Variants in RIOK2 observed in about 807,000 individuals in gnomAD.
RIOK2 encodes serine/threonine-protein kinase RIO2.
A neutral mutation model predicts 62.4 loss-of-function variants in RIOK2; 46 were observed. That is an observed-to-expected ratio of 0.74 (90% CI 0.58 to 0.94). RIOK2 has a LOEUF of 0.94. Among genes scored for constraint, RIOK2 ranks in the 40% least tolerant of loss-of-function variants. The pLI is 0.00. For missense variants in RIOK2, 574 were observed against 658.0 expected (o/e 0.87, Z 1.40); for synonymous variants, 197 against 216.0 (o/e 0.91, Z 0.77).
intron 4 of RIOK2, among the ~76,000 whole-genome samples, chr5:97,175,041 G>A (rs1383908078): frequency 2.6e-5 from 4 of 151,962 alleles, no homozygotes; most frequent in African/African-American, 9.7e-5. Context: ...CTGGGTGACA[G>A]AGTGAGACCT....
At chr5:97,165,869 A>G (rs778851633) in intron 8 of RIOK2, among the ~76,000 whole-genome samples, 11 of 152,164 alleles carry the variant, frequency 7.2e-5, no homozygotes, top group Admixed American at 2.0e-4. Flanking sequence ...GGTGCCATAT[A>G]TTTGGTTAAA....
chr5:97,182,894 A>G, intron 1 of RIOK2: 1 of 547,582 alleles, frequency 1.8e-6, no homozygotes, highest in Non-Finnish European at 3.3e-6. Flanking sequence ...TAGCAGCAGA[A>G]AAGAAAACAA....
rs765769343 is a variant in RIOK2 at position 97,183,247 on chromosome 5, C to T, written c.-56G>A. On this transcript the variant is annotated 5_prime_UTR_variant, in exon 1 of 10. Coordinates refer to ENST00000283109, the MANE Select transcript of RIOK2 (RefSeq NM_018343.3). ...CCGACGACAGCCGCAAAGCGTAAGGCAGGTCGTTATTCCAGCCTCTAAGCG... is the reference window on the plus strand; with the variant it reads ...CCGACGACAGCCGCAAAGCGTAAGGTAGGTCGTTATTCCAGCCTCTAAGCG... 3 of 1,587,920 alleles carry T rather than the reference C, an allele frequency of 1.9e-6. No homozygotes were observed. The highest frequency in any genetic ancestry group is 3.3e-5 in the Admixed American group (2 of 59,716).
chr5:97,181,639 T>A (rs1340005010), intron 1 of RIOK2, among the ~76,000 whole-genome samples: 1 of 152,250 alleles, frequency 6.6e-6, no homozygotes, highest in Non-Finnish European at 1.5e-5. Flanking sequence ...ACAAATAATT[T>A]AAATATTGCA....
At chr5:97,179,791 A>T (rs1482543936) in intron 1 of RIOK2, among the ~76,000 whole-genome samples, 11 of 95,288 alleles carry the variant, frequency 1.2e-4, no homozygotes, top group African/African-American at 4.7e-4. Context: ...AAAGGGGAAC[A>T]TCACACACTG....
rs772714979 is a variant in RIOK2 at position 97,179,187 on chromosome 5, T to C, written c.73A>G (p.Met25Val). Reference sequence around the variant, plus strand: ...ACAATTTCATGGTTCTTCATGCCCATTTCAACCTGAAATTAAAGGAATCAT... The same window carrying C: ...ACAATTTCATGGTTCTTCATGCCCACTTCAACCTGAAATTAAAGGAATCAT... ...DDFRVLTAVE[M>V]GMKNHEIVPG... The change falls in exon 2 of 10, where the codon ATG becomes GTG. Residue 25 changes from methionine (M) to valine (V), a missense_variant. Physicochemically the swap from Met to Val is conservative, Grantham distance 21 (BLOSUM62 1). Coordinates refer to ENST00000283109, the MANE Select transcript of RIOK2 (RefSeq NM_018343.3). The C allele has an allele frequency of 3.7e-6, 6 of 1,612,772 alleles. No individual in the cohort carries two copies. In the African/African-American group the frequency reaches 4.0e-5, roughly 11 times the overall value.
chr5:97,170,323 T>C (rs1011870566), intron 6 of RIOK2, among the ~76,000 whole-genome samples: 1 of 152,224 alleles, frequency 6.6e-6, no homozygotes, highest in Non-Finnish European at 1.5e-5. Flanking sequence ...ATTATCGCAG[T>C]ATATCATGAT....
Position 97,177,997 on chromosome 5 carries a change from A to G in RIOK2, c.206-149T>C, listed in dbSNP as rs563790098. ...GCTCACAAGCTTCCAATTTCTTCCT[A>G]TAATTTGCATTTCTTCTCCAGTGTA... On this transcript the variant is annotated intron_variant, in intron 2 of 9. Transcript: ENST00000283109. The G allele has an allele frequency of 1.3e-4, 77 of 575,586 alleles. No individual in the cohort carries two copies. In the South Asian group the frequency reaches 1.6e-3, roughly 12 times the overall value. 35.7% of individuals were successfully genotyped at this position (575,586 alleles called of 1,614,324 possible). A position where few individuals can be genotyped will look rare whatever the true frequency, so the allele number is the denominator to read the frequency against.
rs1024824184 is a variant in RIOK2 at position 97,167,193 on chromosome 5, C to T, written c.1397+274G>A. 3.1e-6 allele frequency: 4 copies of T among 1,291,498 alleles called. No homozygotes were observed. In the African/African-American group the frequency reaches 6.0e-5, roughly 19 times the overall value. The allele number at this position is 1,291,498 out of a possible 1,614,324, so 80.0% of individuals were successfully genotyped here. A position where few individuals can be genotyped will look rare whatever the true frequency, so the allele number is the denominator to read the frequency against. ...TGGCCTCCCAGAAGTGCTGAGATTA[C>T]AGGCATGAGCGAGCCACTGTGCCCA... On this transcript the variant is annotated intron_variant, in intron 8 of 9. Coordinates refer to ENST00000283109, the MANE Select transcript of RIOK2 (RefSeq NM_018343.3).
chr5:97,173,605 T>C (rs924135211), intron 4 of RIOK2, among the ~76,000 whole-genome samples: 1 of 152,224 alleles, frequency 6.6e-6, no homozygotes, highest in African/African-American at 2.4e-5. Flanking sequence ...TACAGTCTCT[T>C]AGGGTATATC....
At chr5:97,170,490 A>T (rs562047043) in intron 6 of RIOK2, among the ~76,000 whole-genome samples, 1 of 152,300 alleles carries the variant, frequency 6.6e-6, no homozygotes, top group South Asian at 2.1e-4. Context: ...ATACTTGGTG[A>T]ATCTCTCTTG....
chr5:97,177,985 C>T (rs1282778092), intron 2 of RIOK2, 137 bp from the exon 3 acceptor site: 2 of 587,802 alleles, frequency 3.4e-6, no homozygotes, highest in Non-Finnish European at 6.0e-6. Flanking sequence ...CACAAGCTTC[C>T]AATTTCTTCC....
chr5:97,181,833 AG>A (rs1749422409), intron 1 of RIOK2, among the ~76,000 whole-genome samples: 1 of 152,222 alleles, frequency 6.6e-6, no homozygotes. Flanking sequence ...CAGGAAAGGA[AG>A]GTATCTTTCC....
At chr5:97,173,361 A>T (rs1056534367) in intron 4 of RIOK2, 98 bp from the exon 5 acceptor site, 11 of 726,182 alleles carry the variant, frequency 1.5e-5, no homozygotes, top group African/African-American at 1.5e-4. Flanking sequence ...GAAAAAAAAC[A>T]CACAAACCTT....
rs1748714757 is a variant in RIOK2 at position 97,162,062 on chromosome 5, A to T, written c.*999T>A. ...AATCTGCTGTCTTTATCAATCTTGGAAAAGTCTGTACTATATTCCCTCTGG... is the reference window on the plus strand; with the variant it reads ...AATCTGCTGTCTTTATCAATCTTGGTAAAGTCTGTACTATATTCCCTCTGG... On this transcript the variant is annotated 3_prime_UTR_variant, in exon 10 of 10. Transcript: ENST00000283109. 1 of 152,058 alleles carries T rather than the reference A, an allele frequency of 6.6e-6. No homozygotes were observed. Among genetic ancestry groups the T allele is most frequent in the Admixed American group, 6.6e-5 (1 of 15,264 alleles). 9.4% of individuals were successfully genotyped at this position (152,058 alleles called of 1,614,324 possible).
At chr5:97,174,554 G>T (rs1749110456) in intron 4 of RIOK2, among the ~76,000 whole-genome samples, 1 of 151,918 alleles carries the variant, frequency 6.6e-6, no homozygotes, top group Non-Finnish European at 1.5e-5. Context: ...TACACACCAA[G>T]AAACGCAGTC....
rs779374505 is a variant in RIOK2, at chr5:97,179,180, A to C, written c.80T>G (p.Met27Arg). 1.9e-6 allele frequency: 3 copies of C among 1,613,370 alleles called. No homozygotes were observed. In the African/African-American group the frequency reaches 4.0e-5, roughly 22 times the overall value. The change falls in exon 2 of 10, where the codon ATG (methionine) becomes AGG (arginine). Residue 27 changes from methionine to arginine, a missense_variant. Met to Arg is a moderately conservative substitution (Grantham distance 91, BLOSUM62 -1). Transcript: ENST00000283109. ...GCCGGGAACAATTTCATGGTTCTTC[A>C]TGCCCATTTCAACCTGAAATTAAAG... is the stretch of plus-strand genomic sequence containing the variant. The part of the protein sequence containing the change: ...FRVLTAVEMG[M>R]KNHEIVPGSL...
At position 97,179,079 on chromosome 5, in the gene RIOK2, GTT is replaced by G. The variant is rs1749261681; in HGVS notation, c.179_180del (p.Lys60ThrfsTer21). ...CTTTTGGTACGCTCCCAAGCTATGAGTTTATGTTTCACTAATTCTCTTAAAAC... is the reference window on the plus strand; with the variant it reads ...CTTTTGGTACGCTCCCAAGCTATGAGTATGTTTCACTAATTCTCTTAAAAC... ...NKVLRELVKH[K>X]LIAWERTKTV... On this transcript the variant is annotated frameshift_variant, in exon 2 of 10. Transcript: ENST00000283109. LOFTEE classifies it high-confidence loss of function. 6.2e-7 allele frequency: 1 copy of G among 1,613,742 alleles called. No homozygotes were observed. The highest frequency in any genetic ancestry group is 1.7e-5 in the Admixed American group (1 of 59,978).
At chr5:97,165,800 T>C (rs1748830489) in intron 8 of RIOK2, among the ~76,000 whole-genome samples, 1 of 152,216 alleles carries the variant, frequency 6.6e-6, no homozygotes, top group African/African-American at 2.4e-5. Context: ...TAATCCTATA[T>C]AGATTTTCTT....
Sources: allele counts gnomAD v4.1 joint callset (sites outside exome capture counted in the v4.1 genomes callset), GRCh38; gene constraint gnomAD v4.1.1; transcripts MANE v1.5; gene names NCBI Gene and HGNC (gene_info 2026-07-23, HGNC 2026-07-21).